The following DPF3 variants were observed in gnomAD, a reference collection of about 807,000 sequenced individuals.
DPF3 encodes the protein double PHD fingers 3, also known as zinc finger protein DPF3.
Under a neutral mutation model 56.8 loss-of-function variants are expected in DPF3, and 18 were observed. That is an observed-to-expected ratio of 0.32 (90% CI 0.22 to 0.47). The LOEUF (loss-of-function observed/expected upper bound fraction) is 0.47. Among genes scored for constraint, DPF3 ranks in the 20% least tolerant of loss-of-function variants. The probability of loss-of-function intolerance (pLI) is 1.00; values close to 1 mark genes in which losing one functional copy is unlikely to be tolerated. For synonymous variants in DPF3, 188 were observed against 180.2 expected (o/e 1.04, Z -0.35); for missense variants, 403 against 488.8 (o/e 0.82, Z 1.65).
intron 1 of DPF3, among the ~76,000 whole-genome samples, chr14:72,840,665 G>A (rs561744917): frequency 6.6e-6 from 1 of 152,162 alleles, no homozygotes; most frequent in South Asian, 2.1e-4. Context: ...TCCTTTTAAT[G>A]GTTCTGTTAT....
intron 1 of DPF3, among the ~76,000 whole-genome samples, chr14:72,860,204 A>T (rs932531727): frequency 6.6e-6 from 1 of 151,936 alleles, no homozygotes; most frequent in African/African-American, 2.4e-5. Flanking sequence ...TGTTTTTGAG[A>T]CAGGGTCTCA....
rs1211398009 is a variant in DPF3, at chr14:72,802,955, AG to A, written c.33-31063del. Among the ~76,000 whole-genome samples the A allele has an allele frequency of 1.1e-4, 17 of 152,216 alleles. 1 individual carries two copies. The highest frequency in any genetic ancestry group is 4.1e-4 in the African/African-American group (17 of 41,460). On this transcript the variant is annotated intron_variant, in intron 1 of 10. Transcript: ENST00000556509. ...GCCATCATCACCCCCATGGAGGTCC[AG>A]GGCCCCTGCCCCACTGCCTACCTCT...
intron 1 of DPF3, among the ~76,000 whole-genome samples, chr14:72,861,064 C>CAG (rs1464951701): frequency 7.1e-6 from 1 of 140,628 alleles, no homozygotes; most frequent in Non-Finnish European, 1.5e-5. Context: ...CACACACACA[C>CAG]ACACAGACAC....
intron 8 of DPF3, chr14:72,660,974 G>A (rs758105822): frequency 1.1e-4 from 86 of 784,210 alleles, no homozygotes; most frequent in East Asian, 1.3e-4. Flanking sequence ...AGTCCCTGCC[G>A]CATGACGGCG....
intron 2 of DPF3, among the ~76,000 whole-genome samples, chr14:72,771,525 C>T (rs1302303317): frequency 7.0e-6 from 1 of 142,954 alleles, no homozygotes; most frequent in Admixed American, 7.0e-5. Flanking sequence ...GGCTTCAATG[C>T]CCCACACCAT....
chr14:72,769,249 A>G (rs1337719808), intron 2 of DPF3, among the ~76,000 whole-genome samples: 5 of 152,192 alleles, frequency 3.3e-5, no homozygotes, highest in African/African-American at 1.2e-4. Context: ...CTTTTCCTAC[A>G]AACAGGAGCC....
chr14:72,611,999 T>A lies in DPF3; in HGVS notation c.*7298A>T, dbSNP rs145131109. 7.6e-4 allele frequency among the ~76,000 whole-genome samples: 115 copies of A among 152,312 alleles called. No individual in the cohort carries two copies. The highest frequency in any genetic ancestry group is 2.5e-3 in the African/African-American group (104 of 41,578). ...AAGGCTAGGCCAGCATGCGGTTTAT[T>A]TTCCAGCCCCTACAGGACCTAGAGC... On this transcript the variant is annotated 3_prime_UTR_variant, in exon 11 of 11. Transcript: ENST00000556509.
chr14:72,638,273 C>T (rs973618137), intron 8 of DPF3, among the ~76,000 whole-genome samples: 4 of 38,502 alleles, frequency 1.0e-4, no homozygotes, highest in African/African-American at 2.9e-4. Context: ...GAAGGTCAGG[C>T]GGCTGAATCA....
rs111856862 is a variant in DPF3 at position 72,831,161 on chromosome 14, G to A, written c.33-59268C>T. 3.5e-3 allele frequency among the ~76,000 whole-genome samples: 529 copies of A among 152,280 alleles called. 5 individuals carry two copies. The highest frequency in any genetic ancestry group is 0.012 in the African/African-American group (502 of 41,554). On this transcript the variant is annotated intron_variant, in intron 1 of 10. Transcript: ENST00000556509. ...AAGGAGCTATAAAAGGGCGTTGGGG[G>A]AAGCAAGGCAAACGGCAGATTAAAC...
At chr14:72,729,419 T>A (rs529085628) in intron 4 of DPF3, among the ~76,000 whole-genome samples, 2 of 150,568 alleles carry the variant, frequency 1.3e-5, no homozygotes, top group Non-Finnish European at 3.0e-5. Context: ...TGGAGTGGAG[T>A]GGGTGAGGAA....
At chr14:72,827,488 C>CT (rs1182260007) in intron 1 of DPF3, among the ~76,000 whole-genome samples, 878 of 78,322 alleles carry the variant, frequency 0.011, 137 homozygotes, top group African/African-American at 0.025. Flanking sequence ...TCCCTTTACT[C>CT]TTTTTTTTTT....
intron 1 of DPF3, among the ~76,000 whole-genome samples, chr14:72,829,180 T>C (rs539931839): frequency 2.9e-4 from 44 of 152,326 alleles, no homozygotes; most frequent in South Asian, 6.2e-4. Context: ...TTCCACTTTA[T>C]ACATGTGCAC....
chr14:72,700,288 G>A (rs753688071), intron 6 of DPF3, among the ~76,000 whole-genome samples: 14 of 152,162 alleles, frequency 9.2e-5, no homozygotes, highest in East Asian at 1.9e-4. Context: ...GACAGGGTCC[G>A]AGTTCAGAAA....
intron 1 of DPF3, among the ~76,000 whole-genome samples, chr14:72,822,805 G>A (rs948759020): frequency 6.6e-6 from 1 of 152,140 alleles, no homozygotes; most frequent in South Asian, 2.1e-4. Flanking sequence ...GAAGGAAAGA[G>A]AGTGTTATAC....
Position 72,870,550 on chromosome 14 carries a change from A to G in DPF3, c.32+23507T>C, listed in dbSNP as rs143109931. ...GCTGTGCTCCTGGACAAAGCATGCCATAGATAAATCTTTCTTGAAGACTCT... is the reference window on the plus strand; with the variant it reads ...GCTGTGCTCCTGGACAAAGCATGCCGTAGATAAATCTTTCTTGAAGACTCT... On this transcript the variant is annotated intron_variant, in intron 1 of 10. Coordinates refer to ENST00000556509, the MANE Select transcript of DPF3 (RefSeq NM_001280542.3). Among the ~76,000 whole-genome samples, 4 of 152,380 alleles carry G rather than the reference A, an allele frequency of 2.6e-5. No homozygotes were observed. In the East Asian group the frequency reaches 7.7e-4, roughly 29 times the overall value.
intron 6 of DPF3, among the ~76,000 whole-genome samples, chr14:72,707,767 A>G (rs1177886145): frequency 6.6e-6 from 1 of 151,380 alleles, no homozygotes; most frequent in Non-Finnish European, 1.5e-5. Context: ...GCAAAAAATT[A>G]TCTCCAAGGA....
At chr14:72,621,140 C>CAAGAAAA in intron 9 of DPF3, among the ~76,000 whole-genome samples, 1 of 122,066 alleles carries the variant, frequency 8.2e-6, no homozygotes, top group Non-Finnish European at 1.8e-5. Context: ...GACTCTGTCT[C>CAAGAAAA]AAAAAAAAAA....
At chr14:72,624,292 C>T (rs1028401735) in intron 9 of DPF3, among the ~76,000 whole-genome samples, 1 of 149,668 alleles carries the variant, frequency 6.7e-6, no homozygotes, top group Non-Finnish European at 1.5e-5. Context: ...AACTAATCTA[C>T]AGACTTTATT....
chr14:72,836,006 C>T (rs755574554), intron 1 of DPF3: 21 of 979,536 alleles, frequency 2.1e-5, no homozygotes, highest in Non-Finnish European at 2.3e-5. Flanking sequence ...CCAGACATCC[C>T]GAGGGCCAGC....
Sources: allele counts gnomAD v4.1 joint callset (sites outside exome capture counted in the v4.1 genomes callset), GRCh38; gene constraint gnomAD v4.1.1; transcripts MANE v1.5; gene names NCBI Gene and HGNC (gene_info 2026-07-23, HGNC 2026-07-21).